The following ZNF124 variants were observed in gnomAD, a reference collection of about 807,000 sequenced individuals.
ZNF124 encodes zinc finger protein 124.
Under a neutral mutation model 26.6 loss-of-function variants are expected in ZNF124, and 25 were observed. That is an observed-to-expected ratio of 0.94 (90% CI 0.68 to 1.31). The LOEUF is 1.31. Ranked by LOEUF, ZNF124 falls within the 40% of genes most tolerant of loss-of-function variation. ZNF124 has a pLI of 0.00. For synonymous variants in ZNF124, 129 were observed against 133.3 expected (o/e 0.97, Z 0.22); for missense variants, 444 against 422.2 (o/e 1.05, Z -0.45).
chr1:247,150,767 C>T (rs1461588837), downstream of ZNF124, among the ~76,000 whole-genome samples: 3 of 151,070 alleles, frequency 2.0e-5, no homozygotes, highest in East Asian at 3.9e-4. Context: ...CAAAAACACT[C>T]AATTATGAAT....
downstream of ZNF124, among the ~76,000 whole-genome samples, chr1:247,152,285 G>A (rs560676541): frequency 2.0e-5 from 3 of 146,660 alleles, no homozygotes; most frequent in Non-Finnish European, 4.5e-5. Flanking sequence ...ACAATTTCTA[G>A]GTTAAAAACA....
chr1:247,159,703 C>G lies in ZNF124; in HGVS notation c.141G>C (p.Arg47Ser). The G allele has an allele frequency of 1.2e-6, 2 of 1,612,180 alleles. 1 individual carries two copies. The highest frequency in any genetic ancestry group is 2.2e-5 in the South Asian group (2 of 90,556). ...GATTCTTACCTATGGAAGCCAGATT[C>G]CTGAAGGTTTCCTGCATCACGTCTC... ...LYRDVMQETF[R>S]NLASIGNKGE... The change falls in exon 2 of 4, where the codon AGG (arginine) becomes AGC (serine). Residue 47 changes from arginine (R) to serine (S), a missense_variant. Coordinates refer to ENST00000543802, the MANE Select transcript of ZNF124 (RefSeq NM_001297568.2).
chr1:247,166,440 T>G (rs932614953), intron 1 of ZNF124, among the ~76,000 whole-genome samples: 1 of 152,206 alleles, frequency 6.6e-6, no homozygotes, highest in Non-Finnish European at 1.5e-5. Context: ...TATTCACAAA[T>G]GTGTATATAC....
rs1453252870 is a variant in ZNF124, at chr1:247,159,742, C to T, written c.102G>A (p.Gln34=). The T allele has an allele frequency of 6.2e-7, 1 of 1,613,728 alleles. No individual in the cohort carries two copies. The highest frequency in any genetic ancestry group is 1.3e-5 in the African/African-American group (1 of 74,904). ...GCATCACGTCTCTATAGAGATTCTT[C>T]TGGGAAGGATCCAACAAAGCCCACT... ...QEEWALLDPS[Q]KNLYRDVMQE... is the part of the protein sequence containing the mutation. The change falls in exon 2 of 4, where the codon CAG becomes CAA. Residue 34 remains glutamine (Q), a synonymous_variant. Coordinates refer to ENST00000543802, the MANE Select transcript of ZNF124 (RefSeq NM_001297568.2).
chr1:247,149,183 GGGAAAAT>G (rs1161727870), intron 3 of ZNF124, among the ~76,000 whole-genome samples: 1 of 152,128 alleles, frequency 6.6e-6, no homozygotes, highest in Non-Finnish European at 1.5e-5. Context: ...TACAAGATGT[GGGAAAAT>G]GAAGTGAGAG....
chr1:247,141,898 T>C (rs958751621), intron 3 of ZNF124, among the ~76,000 whole-genome samples: 5 of 152,200 alleles, frequency 3.3e-5, no homozygotes, highest in African/African-American at 1.2e-4. Context: ...ACAAGCACAG[T>C]AGGTCCATTC....
intron 1 of ZNF124, among the ~76,000 whole-genome samples, chr1:247,161,093 C>CA (rs1673453719): frequency 6.6e-6 from 1 of 152,206 alleles, no homozygotes; most frequent in South Asian, 2.1e-4. Flanking sequence ...AACTACTTTT[C>CA]AAAACCTACA....
At chr1:247,130,342 G>C (rs1411139655) in intron 3 of ZNF124, among the ~76,000 whole-genome samples, 1 of 152,110 alleles carries the variant, frequency 6.6e-6, no homozygotes, top group Non-Finnish European at 1.5e-5. Flanking sequence ...CGAATTCCAG[G>C]GCTTAGCTTT....
At chr1:247,145,634 T>C (rs1052574939) in intron 3 of ZNF124, among the ~76,000 whole-genome samples, 1 of 85,254 alleles carries the variant, frequency 1.2e-5, no homozygotes, top group African/African-American at 4.9e-5. Flanking sequence ...AAAACTTCTG[T>C]TTTTTTTTTT....
At chr1:247,143,881 T>G (rs998566339) in intron 3 of ZNF124, among the ~76,000 whole-genome samples, 8 of 152,120 alleles carry the variant, frequency 5.3e-5, no homozygotes, top group African/African-American at 1.9e-4. Context: ...GAAAAAAAAG[T>G]AACAGTTCTC....
intron 3 of ZNF124, among the ~76,000 whole-genome samples, chr1:247,136,163 C>T (rs987367353): frequency 6.6e-6 from 1 of 151,942 alleles, no homozygotes; most frequent in Admixed American, 6.6e-5. Flanking sequence ...CTGGCCAGGA[C>T]AATCAGGCAA....
chr1:247,142,900 A>G (rs73137954), intron 3 of ZNF124, among the ~76,000 whole-genome samples: 4,389 of 150,652 alleles, frequency 0.029, 232 homozygotes, highest in African/African-American at 0.1. Flanking sequence ...GGAATATTTC[A>G]TTATGTAAAT....
chr1:247,159,156 G>C, intron 2 of ZNF124, 90 bp from the exon 3 acceptor site: 2 of 1,228,152 alleles, frequency 1.6e-6, no homozygotes, highest in South Asian at 1.5e-5. Flanking sequence ...GATATGGTTT[G>C]TACCCACCAA....
chr1:247,167,408 T>C lies in ZNF124; in HGVS notation c.30+4440A>G, dbSNP rs867395629. Among the ~76,000 whole-genome samples, 9 of 152,224 alleles carry C rather than the reference T, an allele frequency of 5.9e-5. No individual in the cohort carries two copies. In the South Asian group the frequency reaches 1.7e-3, roughly 28 times the overall value. On this transcript the variant is annotated intron_variant, in intron 1 of 3. Transcript: ENST00000543802. ...ATCCTGCAGGAAACAAACTGATGTT[T>C]TGGTTAATTTTTGTAATTCACCAAT...
At chr1:247,142,691 C>T (rs6687789) in intron 3 of ZNF124, among the ~76,000 whole-genome samples, 19,957 of 152,088 alleles carry the variant, frequency 0.13, 1,868 homozygotes, top group African/African-American at 0.26. Context: ...TTTTCTTACA[C>T]AGAATCTAAG....
rs115373194 is a variant in ZNF124, at chr1:247,167,463, G to A, written c.30+4385C>T. ...GTACCACACTTTTGTGTGTGGAAAT[G>A]TATTCACTTTCTGTAATCATAAAGG... On this transcript the variant is annotated intron_variant, in intron 1 of 3. Coordinates refer to ENST00000543802, the MANE Select transcript of ZNF124 (RefSeq NM_001297568.2). Among the ~76,000 whole-genome samples, 444 of 152,234 alleles carry A rather than the reference G, an allele frequency of 2.9e-3. 5 individuals are homozygous for A. The highest frequency in any genetic ancestry group is 0.01 in the African/African-American group (424 of 41,532).
At chr1:247,143,090 A>G (rs888420739) in intron 3 of ZNF124, among the ~76,000 whole-genome samples, 1 of 152,008 alleles carries the variant, frequency 6.6e-6, no homozygotes, top group African/African-American at 2.4e-5. Context: ...CCTCACTTCT[A>G]TTTCATCTCC....
intron 3 of ZNF124, among the ~76,000 whole-genome samples, chr1:247,139,641 C>G (rs1572063942): frequency 6.6e-6 from 1 of 152,034 alleles, no homozygotes; most frequent in African/African-American, 2.4e-5. Context: ...GCAGATTTTT[C>G]TTTCTATATT....
chr1:247,134,674 A>T (rs906047255), intron 3 of ZNF124, among the ~76,000 whole-genome samples: 1 of 152,180 alleles, frequency 6.6e-6, no homozygotes, highest in Admixed American at 6.5e-5. Context: ...TTAACACCCC[A>T]CTGTCAGTAT....
Sources: gnomAD v4.1 joint callset for allele counts (sites outside exome capture counted in the v4.1 genomes callset) on GRCh38, gnomAD v4.1.1 for gene constraint, MANE v1.5 for transcripts, NCBI Gene and HGNC (gene_info 2026-07-23, HGNC 2026-07-21) for gene names.